INPP4B: variants seen among roughly 807,000 people sequenced by gnomAD.
The protein encoded by INPP4B is inositol polyphosphate-4-phosphatase type II B.
A neutral mutation model predicts 122.5 loss-of-function variants in INPP4B; 55 were observed. The observed-to-expected ratio is 0.45, with a 90% confidence interval of 0.36 to 0.56. INPP4B has a LOEUF of 0.56. INPP4B is among the 20% of genes least tolerant of loss of function. The probability of loss-of-function intolerance (pLI) is 0.00; values close to 1 mark genes in which losing one functional copy is unlikely to be tolerated. For missense variants in INPP4B, 1,000 were observed against 1,097.7 expected, an observed-to-expected ratio of 0.91 and a Z score of 1.26; for synonymous variants, 403 against 388.7, an observed-to-expected ratio of 1.04 and a Z score of -0.43.
chr4:142,558,543 A>G (rs1362998211), intron 2 of INPP4B, among the ~76,000 whole-genome samples: 3 of 152,136 alleles, frequency 2.0e-5, no homozygotes, highest in African/African-American at 7.2e-5. Flanking sequence ...TCTATAATCC[A>G]TAGGTATTAT....
chr4:142,097,225 TTTTTATTTTATTTTA>T (rs376210499), intron 23 of INPP4B, among the ~76,000 whole-genome samples: 29 of 135,488 alleles, frequency 2.1e-4, no homozygotes, highest in African/African-American at 7.1e-4. Flanking sequence ...TTTTATGTTA[TTTTTATTTTATTTTA>T]TTTTATTTTA....
At chr4:142,428,030 T>A (rs1049934259) in intron 5 of INPP4B, among the ~76,000 whole-genome samples, 2 of 151,754 alleles carry the variant, frequency 1.3e-5, no homozygotes, top group Non-Finnish European at 2.9e-5. Context: ...CCTGGAAAAA[T>A]TTAAAAATCT....
intron 2 of INPP4B, among the ~76,000 whole-genome samples, chr4:142,641,761 A>G (rs1750529930): frequency 6.6e-6 from 1 of 152,164 alleles, no homozygotes; most frequent in Non-Finnish European, 1.5e-5. Flanking sequence ...AGCATGATTT[A>G]TAGTCCTTTG....
At chr4:142,540,393 G>A (rs1307769003) in intron 2 of INPP4B, among the ~76,000 whole-genome samples, 1 of 151,818 alleles carries the variant, frequency 6.6e-6, no homozygotes, top group African/African-American at 2.4e-5. Context: ...GGGTGATACT[G>A]AAAATGGTAA....
intron 1 of INPP4B, among the ~76,000 whole-genome samples, chr4:142,842,995 AT>A (rs1222911076): frequency 1.4e-5 from 2 of 146,470 alleles, no homozygotes; most frequent in East Asian, 3.9e-4. Context: ...TTTCCTAAAC[AT>A]TTTAAATGTT....
In INPP4B at chr4:142,101,702, C is replaced by T. The variant is rs1027422865; in HGVS notation, c.2374+6391G>A. Among the ~76,000 whole-genome samples, 5 of 152,070 alleles carry T rather than the reference C, an allele frequency of 3.3e-5. No individual in the cohort carries two copies. In the South Asian group the frequency reaches 1.0e-3, roughly 32 times the overall value. ...GCTAGTTTTCTGATTCTCAGCTTTA[C>T]CCTCATGTGTATCAATTTGTAAGTT... On this transcript the variant is annotated intron_variant, in intron 23 of 25. Transcript: ENST00000262992.
At chr4:142,647,912 G>A (rs1752140118) in intron 2 of INPP4B, among the ~76,000 whole-genome samples, 1 of 152,210 alleles carries the variant, frequency 6.6e-6, no homozygotes, top group East Asian at 1.9e-4. Context: ...ACCGTTTGTA[G>A]TAAGTGACTA....
At chr4:142,835,066 G>C (rs562358623) in intron 1 of INPP4B, among the ~76,000 whole-genome samples, 44 of 152,360 alleles carry the variant, frequency 2.9e-4, no homozygotes, top group Admixed American at 2.0e-3. Context: ...GGAATCCCCT[G>C]AAGTTTTAGG....
intron 25 of INPP4B, among the ~76,000 whole-genome samples, chr4:142,032,581 A>T (rs976571492): frequency 1.4e-4 from 22 of 152,208 alleles, no homozygotes; most frequent in African/African-American, 4.8e-4. Flanking sequence ...CATGTATTTC[A>T]AAAAATATAT....
intron 2 of INPP4B, among the ~76,000 whole-genome samples, chr4:142,606,687 C>T (rs1414967828): frequency 6.6e-6 from 1 of 152,022 alleles, no homozygotes; most frequent in Non-Finnish European, 1.5e-5. Context: ...ATGCAACACT[C>T]TGGCCTTGAA....
At chr4:142,150,860 T>G (rs1391661330) in intron 17 of INPP4B, among the ~76,000 whole-genome samples, 1 of 152,168 alleles carries the variant, frequency 6.6e-6, no homozygotes, top group Non-Finnish European at 1.5e-5. Flanking sequence ...ACTTAAAAAA[T>G]ATATTCCGTA....
chr4:142,632,100 A>G (rs1156315394), intron 2 of INPP4B, among the ~76,000 whole-genome samples: 1 of 152,184 alleles, frequency 6.6e-6, no homozygotes, highest in African/African-American at 2.4e-5. Context: ...TGTGACAACA[A>G]CAAGGTTTGA....
intron 5 of INPP4B, among the ~76,000 whole-genome samples, chr4:142,421,312 G>C (rs922502192): frequency 1.3e-5 from 2 of 152,004 alleles, no homozygotes; most frequent in South Asian, 4.1e-4. Context: ...TCAAAGAAAG[G>C]CTCAATGGGA....
intron 1 of INPP4B, among the ~76,000 whole-genome samples, chr4:142,825,822 G>A (rs971768135): frequency 2.6e-5 from 4 of 152,042 alleles, no homozygotes; most frequent in Non-Finnish European, 5.9e-5. Context: ...GAAAAATCAA[G>A]TAGGCTTATT....
At chr4:142,642,218 G>C (rs547906727) in intron 2 of INPP4B, among the ~76,000 whole-genome samples, 5 of 152,106 alleles carry the variant, frequency 3.3e-5, no homozygotes, top group Non-Finnish European at 7.4e-5. Context: ...TCTGTAGGTT[G>C]CCTGTTCACT....
intron 25 of INPP4B, among the ~76,000 whole-genome samples, chr4:142,048,446 T>C (rs6819549): frequency 0.016 from 2,372 of 152,136 alleles, 78 homozygotes; most frequent in African/African-American, 0.055. Context: ...CCCCAGTTCA[T>C]ACCTATTGTC....
chr4:142,271,866 G>T lies in INPP4B; in HGVS notation c.504-1092C>A, dbSNP rs569281063. On this transcript the variant is annotated intron_variant, in intron 9 of 25. Coordinates refer to ENST00000262992, the MANE Select transcript of INPP4B (RefSeq NM_001101669.3). ...TTTGGCAATAATAATGAAAGCTAAA[G>T]ATAAGTTTACGAGCCACACTTTAAG... Among the ~76,000 whole-genome samples, 6 of 152,196 alleles carry T rather than the reference G, an allele frequency of 3.9e-5. No homozygotes were observed. In the South Asian group the frequency reaches 1.2e-3, roughly 32 times the overall value.
chr4:142,407,130 GGTT>G (rs1803596550), intron 5 of INPP4B, among the ~76,000 whole-genome samples: 1 of 152,068 alleles, frequency 6.6e-6, no homozygotes, highest in South Asian at 2.1e-4. Flanking sequence ...GTTCTTTGGT[GGTT>G]ATTTTGATCA....
At chr4:142,123,444 TG>T in intron 19 of INPP4B, 29 bp from the exon 20 acceptor site, 2 of 1,602,138 alleles carry the variant, frequency 1.2e-6, no homozygotes, top group East Asian at 2.2e-5. Context: ...TGAGATTTAC[TG>T]CAGTTAGCAA....
Sources: gnomAD v4.1 joint callset for allele counts (sites outside exome capture counted in the v4.1 genomes callset) on GRCh38, gnomAD v4.1.1 for gene constraint, MANE v1.5 for transcripts, NCBI Gene and HGNC (gene_info 2026-07-23, HGNC 2026-07-21) for gene names.